Variants in PAPPA observed in about 807,000 individuals in gnomAD.
The protein encoded by PAPPA is pappalysin-1.
Under a neutral mutation model 164.0 loss-of-function variants are expected in PAPPA, and 60 were observed. That is an observed-to-expected ratio of 0.37 (90% confidence interval 0.30 to 0.45). The LOEUF is 0.45. Ranked by LOEUF, PAPPA falls within the 20% of genes least tolerant of loss-of-function variation. The probability of loss-of-function intolerance (pLI) is 1.00; values close to 1 mark genes in which losing one functional copy is unlikely to be tolerated. For missense variants in PAPPA, 1,782 were observed against 2,087.3 expected, an observed-to-expected ratio of 0.85 and a Z score of 2.85; for synonymous variants, 875 against 814.1, an observed-to-expected ratio of 1.07 and a Z score of -1.27.
chr9:116,200,510 A>G (rs1330970631), intron 2 of PAPPA, among the ~76,000 whole-genome samples: 1 of 152,142 alleles, frequency 6.6e-6, no homozygotes, highest in East Asian at 1.9e-4. Context: ...CATCACCTAT[A>G]AGTTGGGGAT....
Position 116,334,977 on chromosome 9 carries a change from G to A in PAPPA, c.3514G>A (p.Ala1172Thr), listed in dbSNP as rs758150326. The A allele has an allele frequency of 3.7e-6, 6 of 1,613,822 alleles. No homozygotes were observed. Among genetic ancestry groups the A allele is most frequent in the South Asian group, 2.2e-5 (2 of 91,040 alleles). ...TGTGAGCTTCAGTTCGCCCCTGGTC[G>A]CCATCTCGGGGGTGGCCCTCCGTTC... ...VRVSFSSPLV[A>T]ISGVALRSFD... Residue 1172 changes from alanine to threonine, a missense_variant, in exon 13 of 22, where the codon GCC becomes ACC. By Grantham distance (58) the Ala-to-Thr change is moderately conservative (BLOSUM62 0). This residue lies in a region of PAPPA where 1,324 missense variants were observed against 1,656.9 expected (regional missense o/e 0.80). Transcript: ENST00000328252.
At chr9:116,366,690 A>C (rs1335041934) in intron 18 of PAPPA, among the ~76,000 whole-genome samples, 4 of 152,198 alleles carry the variant, frequency 2.6e-5, no homozygotes, top group African/African-American at 7.2e-5. Flanking sequence ...GAGCATGGGT[A>C]GTGCTGGCCC....
intron 20 of PAPPA, among the ~76,000 whole-genome samples, chr9:116,380,276 T>A (rs968639704): frequency 6.6e-6 from 1 of 150,640 alleles, no homozygotes; most frequent in Non-Finnish European, 1.5e-5. Flanking sequence ...ATACATAGGA[T>A]GGAATAAGGA....
intron 14 of PAPPA, among the ~76,000 whole-genome samples, chr9:116,345,702 A>AC (rs1333641492): frequency 6.6e-6 from 1 of 151,526 alleles, no homozygotes; most frequent in Non-Finnish European, 1.5e-5. Flanking sequence ...TAGCAGGGAG[A>AC]CCCCCTCCCT....
intron 2 of PAPPA, among the ~76,000 whole-genome samples, chr9:116,205,751 C>T (rs999256991): frequency 2.6e-5 from 4 of 152,186 alleles, no homozygotes; most frequent in Non-Finnish European, 4.4e-5. Flanking sequence ...CCTTTACACT[C>T]TCTTTATTAA....
chr9:116,209,983 G>T (rs775688515), intron 3 of PAPPA, among the ~76,000 whole-genome samples: 28 of 152,046 alleles, frequency 1.8e-4, no homozygotes, highest in Non-Finnish European at 3.7e-4. Context: ...CTCTGCAGTA[G>T]CCCCAATCAA....
At chr9:116,328,585 C>T (rs1395443788) in intron 10 of PAPPA, among the ~76,000 whole-genome samples, 2 of 152,142 alleles carry the variant, frequency 1.3e-5, no homozygotes, top group Non-Finnish European at 2.9e-5. Flanking sequence ...GTGAGGGGAA[C>T]TTTGGCAGCT....
chr9:116,281,552 C>A (rs937248128), intron 9 of PAPPA, among the ~76,000 whole-genome samples: 31 of 152,140 alleles, frequency 2.0e-4, no homozygotes, highest in African/African-American at 7.5e-4. Flanking sequence ...AGATGACCTT[C>A]CAAACGGTTT....
rs1329123533 is a variant in PAPPA, at chr9:116,154,328, C to T, written c.156C>T (p.Ala52=). ...CGGCCACCTGCGCCACCCGGGCGGC[C>T]CGCGGCCGCCGCGCCTCGCCGCCGC... ...AGPATCATRA[A]RGRRASPPPP... The change falls in exon 1 of 22, where the codon GCC becomes GCT. Residue 52 remains alanine (A), a synonymous_variant. Coordinates refer to ENST00000328252, the MANE Select transcript of PAPPA (RefSeq NM_002581.5). This position sits in a 1 kb window ranked among gnomAD's most constrained non-coding sequence, Gnocchi z 5.2. The T allele has an allele frequency of 1.2e-6, 1 of 847,528 alleles. No individual in the cohort carries two copies. The highest frequency in any genetic ancestry group is 1.4e-6 in the Non-Finnish European group (1 of 708,380). The allele number at this position is 847,528 out of a possible 1,614,324, so 52.5% of individuals were successfully genotyped here.
intron 1 of PAPPA, among the ~76,000 whole-genome samples, chr9:116,164,211 A>G (rs1260253253): frequency 6.6e-6 from 1 of 152,044 alleles, no homozygotes; most frequent in Non-Finnish European, 1.5e-5. Context: ...TTTCCAGACT[A>G]TTTTCCTTCA....
chr9:116,360,742 C>G lies in PAPPA; in HGVS notation c.4348-1850C>G, dbSNP rs543911258. 3.2e-4 allele frequency among the ~76,000 whole-genome samples: 49 copies of G among 152,292 alleles called. 1 individual carries two copies. In the East Asian group the frequency reaches 9.3e-3, roughly 29 times the overall value. On this transcript the variant is annotated intron_variant, in intron 17 of 21. Coordinates refer to ENST00000328252, the MANE Select transcript of PAPPA (RefSeq NM_002581.5). ...ACAATTCTTGAATGAGCAAAAATATCTATTAAGTGATGAATGAATGCACTG... is the reference window on the plus strand; with the variant it reads ...ACAATTCTTGAATGAGCAAAAATATGTATTAAGTGATGAATGAATGCACTG...
chr9:116,312,288 C>CTTTTTTTTTTTTTTTTTTTT (rs5900201), intron 10 of PAPPA, among the ~76,000 whole-genome samples: 14 of 129,634 alleles, frequency 1.1e-4, no homozygotes, highest in East Asian at 4.4e-4. Context: ...TTCTTTCTTT[C>CTTTTTTTTTTTTTTTTTTTT]TTTTTTTTTT....
At chr9:116,166,209 T>C (rs1843717646) in intron 1 of PAPPA, among the ~76,000 whole-genome samples, 1 of 152,204 alleles carries the variant, frequency 6.6e-6, no homozygotes. Context: ...AAAAGAAATC[T>C]GGCCTTCCAA....
chr9:116,255,120 C>A (rs1844913095), intron 7 of PAPPA, among the ~76,000 whole-genome samples: 1 of 151,722 alleles, frequency 6.6e-6, no homozygotes, highest in African/African-American at 2.4e-5. Context: ...ACTTTAGAAC[C>A]ATAAAGGGAA....
chr9:116,357,154 A>G (rs1317571811), intron 17 of PAPPA, among the ~76,000 whole-genome samples: 1 of 152,224 alleles, frequency 6.6e-6, no homozygotes, highest in Admixed American at 6.5e-5. Flanking sequence ...AAATATTCAT[A>G]TCTGTGCCAG....
intron 10 of PAPPA, among the ~76,000 whole-genome samples, chr9:116,327,063 C>T (rs1845929685): frequency 6.6e-6 from 1 of 152,110 alleles, no homozygotes; most frequent in Non-Finnish European, 1.5e-5. Context: ...GACAGAAAAA[C>T]AGGTTTGAGC....
intron 1 of PAPPA, among the ~76,000 whole-genome samples, chr9:116,163,136 T>C (rs1293189649): frequency 6.6e-6 from 1 of 152,200 alleles, no homozygotes; most frequent in African/African-American, 2.4e-5. Context: ...GAGAGAAACA[T>C]CTCCGCCCTC....
At chr9:116,296,794 A>C (rs1433511199) in intron 9 of PAPPA, among the ~76,000 whole-genome samples, 1 of 152,084 alleles carries the variant, frequency 6.6e-6, no homozygotes, top group Non-Finnish European at 1.5e-5. Context: ...TGAAGAGGAC[A>C]GTTTGTGGAT....
At chr9:116,239,081 G>T (rs1274535352) in intron 7 of PAPPA, among the ~76,000 whole-genome samples, 1 of 151,914 alleles carries the variant, frequency 6.6e-6, no homozygotes, top group Non-Finnish European at 1.5e-5. Flanking sequence ...TTTGACCTTT[G>T]TCTTCATTTT....
Sources: allele counts gnomAD v4.1 joint callset (sites outside exome capture counted in the v4.1 genomes callset), GRCh38; gene constraint gnomAD v4.1.1; regional missense constraint gnomAD v4.1.1; non-coding constraint Gnocchi (gnomAD v3.1); transcripts MANE v1.5; gene names NCBI Gene and HGNC (gene_info 2026-07-23, HGNC 2026-07-21).